The following SLC25A21 variants were observed in gnomAD, a reference collection of about 807,000 sequenced individuals.
SLC25A21 encodes the protein solute carrier family 25 member 21.
A neutral mutation model predicts 43.8 loss-of-function variants in SLC25A21; 47 were observed. The observed-to-expected ratio is 1.07, with a 90% CI of 0.85 to 1.37. SLC25A21 has a LOEUF of 1.37. Among genes scored for constraint, SLC25A21 ranks in the 40% most tolerant of loss-of-function variants. The probability of loss-of-function intolerance (pLI) is 0.00; values close to 1 mark genes in which losing one functional copy is unlikely to be tolerated. For missense variants in SLC25A21, 352 were observed against 350.2 expected (o/e 1.00, Z -0.04); for synonymous variants, 131 against 121.3 (o/e 1.08, Z -0.52).
Position 36,967,645 on chromosome 14 carries a change from C to A in SLC25A21, c.71-92641G>T, listed in dbSNP as rs188904403. On this transcript the variant is annotated intron_variant, in intron 1 of 9. Coordinates refer to ENST00000331299, the MANE Select transcript of SLC25A21 (RefSeq NM_030631.4). ...TATCTTTATGCCTGTGAAAAGCATACAGTAACAAGCTTCTACTTTCCTAAG... is the reference window on the plus strand; with the variant it reads ...TATCTTTATGCCTGTGAAAAGCATAAAGTAACAAGCTTCTACTTTCCTAAG... Among the ~76,000 whole-genome samples the A allele has an allele frequency of 2.9e-3, 437 of 152,306 alleles. 3 individuals are homozygous for A. The highest frequency in any genetic ancestry group is 5.3e-3 in the Non-Finnish European group (359 of 68,018).
intron 3 of SLC25A21, among the ~76,000 whole-genome samples, chr14:36,781,324 A>G (rs1887053149): frequency 6.6e-6 from 1 of 152,124 alleles, no homozygotes; most frequent in South Asian, 2.1e-4. Flanking sequence ...TAGCCCATTT[A>G]CATTTAAAGT....
chr14:37,056,358 C>T lies in SLC25A21; in HGVS notation c.70+115923G>A, dbSNP rs531449048. ...ACAAAAAATTAGCCAGGCGAGGTGGCGGGCGCCTGTAGTCCCAGCTACTCG... is the reference window on the plus strand; with the variant it reads ...ACAAAAAATTAGCCAGGCGAGGTGGTGGGCGCCTGTAGTCCCAGCTACTCG... On this transcript the variant is annotated intron_variant, in intron 1 of 9. Coordinates refer to ENST00000331299, the MANE Select transcript of SLC25A21 (RefSeq NM_030631.4). Among the ~76,000 whole-genome samples the T allele has an allele frequency of 2.3e-3, 354 of 151,896 alleles. 3 individuals are homozygous for T. Among genetic ancestry groups the T allele is most frequent in the African/African-American group, 8.4e-3 (350 of 41,436 alleles).
At chr14:37,169,246 A>G (rs1223873298) in intron 1 of SLC25A21, among the ~76,000 whole-genome samples, 13 of 152,020 alleles carry the variant, frequency 8.6e-5, no homozygotes, top group Non-Finnish European at 7.4e-5. Flanking sequence ...ATCTGACTGC[A>G]TTTGGGCCTG....
At chr14:37,155,072 GCT>G (rs1963824996) in intron 1 of SLC25A21, among the ~76,000 whole-genome samples, 1 of 151,216 alleles carries the variant, frequency 6.6e-6, no homozygotes, top group Non-Finnish European at 1.5e-5. Context: ...CTAAAAGACA[GCT>G]CTTTTTTTTT....
At chr14:37,057,505 T>G (rs1444309651) in intron 1 of SLC25A21, among the ~76,000 whole-genome samples, 1 of 152,214 alleles carries the variant, frequency 6.6e-6, no homozygotes, top group Admixed American at 6.5e-5. Context: ...TGACTGGATC[T>G]GAAAATCGTG....
intron 1 of SLC25A21, among the ~76,000 whole-genome samples, chr14:37,096,750 C>T (rs374850383): frequency 1.8e-4 from 27 of 152,114 alleles, no homozygotes; most frequent in Non-Finnish European, 3.1e-4. Context: ...TTTCTCTGAT[C>T]GAATTTTGAA....
intron 3 of SLC25A21, among the ~76,000 whole-genome samples, chr14:36,750,499 A>C (rs1352609235): frequency 1.3e-5 from 2 of 152,162 alleles, no homozygotes; most frequent in African/African-American, 2.4e-5. Context: ...ACCTGGTCTT[A>C]TTCTCCTGGT....
At chr14:37,095,817 C>T (rs995628949) in intron 1 of SLC25A21, among the ~76,000 whole-genome samples, 3 of 29,872 alleles carry the variant, frequency 1.0e-4, no homozygotes, top group African/African-American at 2.0e-4. Context: ...CACACGCGCA[C>T]GCACACACAC....
intron 7 of SLC25A21, among the ~76,000 whole-genome samples, chr14:36,709,195 G>A (rs1460520816): frequency 6.6e-6 from 1 of 151,984 alleles, no homozygotes; most frequent in Non-Finnish European, 1.5e-5. Flanking sequence ...TTTGTGGAGT[G>A]GTTGTCTTAC....
At chr14:36,832,632 A>G (rs541210206) in intron 2 of SLC25A21, among the ~76,000 whole-genome samples, 1 of 152,336 alleles carries the variant, frequency 6.6e-6, no homozygotes, top group South Asian at 2.1e-4. Flanking sequence ...AACTAGAAAA[A>G]CAAACAACAT....
At chr14:37,082,423 A>C (rs1962405510) in intron 1 of SLC25A21, among the ~76,000 whole-genome samples, 2 of 152,216 alleles carry the variant, frequency 1.3e-5, no homozygotes. Context: ...AACCTAAAAA[A>C]GAACATTAAG....
intron 1 of SLC25A21, among the ~76,000 whole-genome samples, chr14:37,044,714 C>T (rs775035197): frequency 6.6e-6 from 1 of 152,094 alleles, no homozygotes; most frequent in African/African-American, 2.4e-5. Flanking sequence ...AGAGTTCAGG[C>T]TTGTGAAGAA....
chr14:37,165,950 T>C (rs1215303077), intron 1 of SLC25A21, among the ~76,000 whole-genome samples: 1 of 152,168 alleles, frequency 6.6e-6, no homozygotes, highest in Admixed American at 6.5e-5. Flanking sequence ...AGAGCCCTGT[T>C]GATATGCAGA....
chr14:36,793,533 C>CAA (rs35553282), intron 3 of SLC25A21, among the ~76,000 whole-genome samples: 25,754 of 125,554 alleles, frequency 0.21, 2,617 homozygotes, highest in East Asian at 0.26. Context: ...AAAATACAAC[C>CAA]AAAAAAAAAA....
At chr14:36,750,031 C>G (rs895151305) in intron 3 of SLC25A21, among the ~76,000 whole-genome samples, 5 of 152,112 alleles carry the variant, frequency 3.3e-5, no homozygotes, top group Non-Finnish European at 7.3e-5. Context: ...TGATGTCTCC[C>G]CAGGACCAAA....
intron 3 of SLC25A21, among the ~76,000 whole-genome samples, chr14:36,807,805 C>A (rs1285148677): frequency 1.3e-5 from 2 of 152,174 alleles, no homozygotes; most frequent in Non-Finnish European, 2.9e-5. Flanking sequence ...ACAAGCCACT[C>A]ATTCCCCTTC....
chr14:37,020,606 A>G (rs528404459), intron 1 of SLC25A21, among the ~76,000 whole-genome samples: 1 of 152,048 alleles, frequency 6.6e-6, no homozygotes, highest in African/African-American at 2.4e-5. Flanking sequence ...AATTTGGTCC[A>G]TCTGTCGGGA....
At chr14:36,802,788 A>C (rs993402584) in intron 3 of SLC25A21, among the ~76,000 whole-genome samples, 2 of 152,244 alleles carry the variant, frequency 1.3e-5, no homozygotes, top group African/African-American at 4.8e-5. Context: ...TGGCTAATGA[A>C]TATGTGTGAG....
chr14:36,934,310 T>C (rs1346452532), intron 1 of SLC25A21, among the ~76,000 whole-genome samples: 2 of 152,042 alleles, frequency 1.3e-5, no homozygotes, highest in Non-Finnish European at 2.9e-5. Flanking sequence ...TGAAAAAATC[T>C]TAGGAAGGAG....
Sources: gnomAD v4.1 joint callset for allele counts (sites outside exome capture counted in the v4.1 genomes callset) on GRCh38, gnomAD v4.1.1 for gene constraint, MANE v1.5 for transcripts, NCBI Gene and HGNC (gene_info 2026-07-23, HGNC 2026-07-21) for gene names.